N4BP3: variants seen among roughly 807,000 people sequenced by gnomAD.
N4BP3 encodes the protein NEDD4-binding protein 3.
Under a neutral mutation model 43.8 loss-of-function variants are expected in N4BP3, and 33 were observed. That is an observed-to-expected ratio of 0.75 (90% CI 0.57 to 1.01). The LOEUF is 1.01. N4BP3 is among the 50% of genes least tolerant of loss of function. The pLI, the probability that N4BP3 is intolerant of heterozygous loss-of-function variation, is 0.00. For synonymous variants in N4BP3, 326 were observed against 321.9 expected, an observed-to-expected ratio of 1.01 and a Z score of -0.14; for missense variants, 756 against 744.2, an observed-to-expected ratio of 1.02 and a Z score of -0.18.
chr5:178,115,471 G>A (rs571078055), intron 1 of N4BP3, among the ~76,000 whole-genome samples: 1 of 152,224 alleles, frequency 6.6e-6, no homozygotes, highest in African/African-American at 2.4e-5. Context: ...AGGAGGGGCT[G>A]ACTGTAGCCA....
chr5:178,126,882 T>G (rs965424303), downstream of N4BP3, among the ~76,000 whole-genome samples: 3 of 152,178 alleles, frequency 2.0e-5, no homozygotes, highest in African/African-American at 7.2e-5. Flanking sequence ...CCTCCTAGCG[T>G]CTGCTGCCAC....
In N4BP3 at chr5:178,119,706, G is replaced by A. The variant is rs140645238; in HGVS notation, c.123G>A (p.Gln41=). ...AALAGSRGSR[Q]PDGLLRKGLG... Reference sequence around the variant, plus strand: ...TTGCCGGGTCTCGGGGCTCCCGCCAGCCTGATGGGCTCCTCCGGAAGGGCT... The same window carrying A: ...TTGCCGGGTCTCGGGGCTCCCGCCAACCTGATGGGCTCCTCCGGAAGGGCT... Residue 41 remains glutamine, a synonymous_variant, in exon 2 of 5, where the codon CAG becomes CAA. Coordinates refer to ENST00000274605, the MANE Select transcript of N4BP3 (RefSeq NM_015111.2). 52 of 1,613,006 alleles carry A rather than the reference G, an allele frequency of 3.2e-5. No individual in the cohort carries two copies. Among genetic ancestry groups the A allele is most frequent in the Admixed American group, 5.0e-5 (3 of 59,942 alleles).
In N4BP3 at chr5:178,118,867, CTTT is replaced by C. The variant is rs1163342087; in HGVS notation, c.-30-673_-30-671del. 5.8e-5 allele frequency among the ~76,000 whole-genome samples: 8 copies of C among 137,592 alleles called. No individual in the cohort carries two copies. The highest frequency in any genetic ancestry group is 1.5e-4 in the Admixed American group (2 of 13,698). 90.3% of individuals were successfully genotyped at this position (137,592 alleles called of 152,430 possible). A position where few individuals can be genotyped will look rare whatever the true frequency, so the allele number is the denominator to read the frequency against. ...GTCAGGTTCAGCCAGGCTGAGTTTT[CTTT>C]TTTTTTTTTTTTTGAGATGGAGTCT... On this transcript the variant is annotated intron_variant, in intron 1 of 4. Transcript: ENST00000274605. This position sits in a 1 kb window ranked among gnomAD's most constrained non-coding sequence, Gnocchi z 5.4.
chr5:178,114,448 T>TCCCCC (rs1029840762), intron 1 of N4BP3, among the ~76,000 whole-genome samples: 11 of 152,216 alleles, frequency 7.2e-5, no homozygotes, highest in African/African-American at 2.6e-4. Flanking sequence ...CCCGGTCCAG[T>TCCCCC]CCCGGCCACA....
chr5:178,125,621 A>G lies in N4BP3; in HGVS notation c.*3620A>G, dbSNP rs1490640194. 1 of 152,308 alleles carries G rather than the reference A, an allele frequency of 6.6e-6. No homozygotes were observed. Among genetic ancestry groups the G allele is most frequent in the African/African-American group, 2.4e-5 (1 of 41,474 alleles). 9.4% of individuals were successfully genotyped at this position (152,308 alleles called of 1,614,324 possible). A position where few individuals can be genotyped will look rare whatever the true frequency, so the allele number is the denominator to read the frequency against. ...GAATGATGCTTCTTGCAACAAAAAC[A>G]AAAGTGATTATGTCACGAGAGGAGA... On this transcript the variant is annotated 3_prime_UTR_variant, in exon 5 of 5. Coordinates refer to ENST00000274605, the MANE Select transcript of N4BP3 (RefSeq NM_015111.2).
intron 1 of N4BP3, among the ~76,000 whole-genome samples, chr5:178,114,944 G>A (rs1172304459): frequency 6.6e-6 from 1 of 152,214 alleles, no homozygotes; most frequent in Non-Finnish European, 1.5e-5. Context: ...ATACACAGCA[G>A]TGTGTGCCCA....
chr5:178,119,233 C>T (rs1057082189), intron 1 of N4BP3, among the ~76,000 whole-genome samples: 5 of 152,222 alleles, frequency 3.3e-5, no homozygotes, highest in Non-Finnish European at 7.3e-5. Context: ...TGCTTCCAGG[C>T]CTATCCCCTC....
At position 178,119,863 on chromosome 5, in the gene N4BP3, G is replaced by A. The variant is rs763493313; in HGVS notation, c.280G>A (p.Ala94Thr). Residue 94 changes from alanine (A) to threonine (T), a missense_variant, in exon 2 of 5, where the codon GCG (alanine) becomes ACG (threonine). Coordinates refer to ENST00000274605, the MANE Select transcript of N4BP3 (RefSeq NM_015111.2). ...ATLYYREHSR[A>T]GDFSKTSLPE... The stretch of plus-strand genomic sequence containing the variant: ...CCTCTACTACCGGGAACATTCTCGC[G>A]CGGGTGACTTCAGCAAGACCTCGCT... 49 of 1,612,362 alleles carry A rather than the reference G, an allele frequency of 3.0e-5. No individual in the cohort carries two copies. Among genetic ancestry groups the A allele is most frequent in the Non-Finnish European group, 4.1e-5 (48 of 1,179,946 alleles).
chr5:178,121,835 G>A lies in N4BP3; in HGVS notation c.1469G>A (p.Arg490Gln), dbSNP rs777656725. 23 of 1,608,404 alleles carry A rather than the reference G, an allele frequency of 1.4e-5. 1 individual carries two copies. Among genetic ancestry groups the A allele is most frequent in the South Asian group, 5.5e-5 (5 of 90,744 alleles). Residue 490 changes from arginine to glutamine, a missense_variant, in exon 5 of 5, where the codon CGG becomes CAG. Arg to Gln is a conservative substitution (Grantham distance 43, BLOSUM62 1). Coordinates refer to ENST00000274605, the MANE Select transcript of N4BP3 (RefSeq NM_015111.2). ...CAGGCGCTGCGCTTTGAGCAGGAGC[G>A]GCGGACTTGGCAGGAGGAGAAGGAG... ...QEQALRFEQE[R>Q]RTWQEEKERV...
intron 2 of N4BP3, 99 bp downstream of exon 2, chr5:178,120,012 A>T (rs1757874817): frequency 6.8e-7 from 1 of 1,474,554 alleles, no homozygotes. Flanking sequence ...ATGCTGAGAT[A>T]CGAAAATCGT....
intron 1 of N4BP3, among the ~76,000 whole-genome samples, chr5:178,114,083 G>T (rs1377413480): frequency 6.6e-6 from 1 of 152,122 alleles, no homozygotes; most frequent in Non-Finnish European, 1.5e-5. Context: ...CGGGACCCCT[G>T]CGCCACGGCT....
rs13180226 is a variant in N4BP3 at position 178,123,288 on chromosome 5, G to A, written c.*1287G>A. The A allele has an allele frequency of 0.22, 32,906 of 152,324 alleles. 3,748 individuals are homozygous for A. Among genetic ancestry groups the A allele is most frequent in the East Asian group, 0.27 (1,422 of 5,180 alleles). The allele number at this position is 152,324 out of a possible 1,614,324, so 9.4% of individuals were successfully genotyped here. On this transcript the variant is annotated 3_prime_UTR_variant, in exon 5 of 5. Transcript: ENST00000274605. Reference sequence around the variant, plus strand: ...CTTTCTTACGCGCTCATCGTTGGACGGGCTGCCATGCATTGCGTGCTTACT... The same window carrying A: ...CTTTCTTACGCGCTCATCGTTGGACAGGCTGCCATGCATTGCGTGCTTACT...
intron 1 of N4BP3, among the ~76,000 whole-genome samples, chr5:178,117,952 A>T (rs568802185): frequency 6.6e-6 from 1 of 152,284 alleles, no homozygotes; most frequent in South Asian, 2.1e-4. Flanking sequence ...AGGAAGATGG[A>T]ACCTCCTAAC....
chr5:178,116,270 G>A (rs1052214206), intron 1 of N4BP3, among the ~76,000 whole-genome samples: 1 of 152,180 alleles, frequency 6.6e-6, no homozygotes, highest in African/African-American at 2.4e-5. Flanking sequence ...TGTTGGGGGA[G>A]GGGGTGGAGG....
At position 178,122,105 on chromosome 5, in the gene N4BP3, G is replaced by GC. The variant is rs1757947241; in HGVS notation, c.*107dup. The GC allele has an allele frequency of 7.2e-7, 1 of 1,382,086 alleles. No homozygotes were observed. Among genetic ancestry groups the GC allele is most frequent in the East Asian group, 2.5e-5 (1 of 40,092 alleles). 85.6% of individuals were successfully genotyped at this position (1,382,086 alleles called of 1,614,324 possible). A position where few individuals can be genotyped will look rare whatever the true frequency, so the allele number is the denominator to read the frequency against. Reference sequence around the variant, plus strand: ...GTTGGGGTGGAACCTGCAGAGGCCAGCCCGGGGCTGGGGAGGCGCAAGGAG... The same window carrying GC: ...GTTGGGGTGGAACCTGCAGAGGCCAGCCCCGGGGCTGGGGAGGCGCAAGGAG... On this transcript the variant is annotated 3_prime_UTR_variant, in exon 5 of 5. Coordinates refer to ENST00000274605, the MANE Select transcript of N4BP3 (RefSeq NM_015111.2).
chr5:178,115,632 G>C (rs538972319), intron 1 of N4BP3, among the ~76,000 whole-genome samples: 1 of 152,336 alleles, frequency 6.6e-6, no homozygotes, highest in South Asian at 2.1e-4. Flanking sequence ...TTCACTTTCT[G>C]AACCTCAGTT....
intron 1 of N4BP3, among the ~76,000 whole-genome samples, chr5:178,115,342 C>T (rs894466539): frequency 1.3e-5 from 2 of 151,042 alleles, no homozygotes; most frequent in African/African-American, 4.9e-5. Context: ...TTGCCTACTA[C>T]CCCCCCCTTT....
chr5:178,119,939 A>C, intron 2 of N4BP3, 26 bp downstream of exon 2: 1 of 1,573,180 alleles, frequency 6.4e-7, no homozygotes, highest in Non-Finnish European at 8.6e-7. Context: ...TGCCCCTTAC[A>C]AGGTGTGGGG....
chr5:178,118,016 G>T lies in N4BP3; in HGVS notation c.-30-1538G>T, dbSNP rs1232115556. ...CCCGGAAGCATGGGTGGTAGTAGGG[G>T]ACCCACAGCTGCAGCTGGCCTGCTG... On this transcript the variant is annotated intron_variant, in intron 1 of 4. Transcript: ENST00000274605. This position sits in a 1 kb window ranked among gnomAD's most constrained non-coding sequence, Gnocchi z 5.4. Among the ~76,000 whole-genome samples the T allele has an allele frequency of 2.0e-5, 3 of 152,182 alleles. No individual in the cohort carries two copies. The highest frequency in any genetic ancestry group is 4.8e-5 in the African/African-American group (2 of 41,440).
Sources: allele counts gnomAD v4.1 joint callset (sites outside exome capture counted in the v4.1 genomes callset), GRCh38; gene constraint gnomAD v4.1.1; non-coding constraint Gnocchi (gnomAD v3.1); transcripts MANE v1.5; gene names NCBI Gene and HGNC (gene_info 2026-07-23, HGNC 2026-07-21).